Variants in CDH12 observed in about 807,000 individuals in gnomAD.
CDH12 encodes cadherin 12.
A neutral mutation model predicts 74.1 loss-of-function variants in CDH12; 41 were observed. The observed-to-expected ratio is 0.55, with a 90% CI of 0.43 to 0.72. The LOEUF (loss-of-function observed/expected upper bound fraction) is 0.72. Ranked by LOEUF, CDH12 falls within the 30% of genes least tolerant of loss-of-function variation. The pLI is 0.00. For synonymous variants in CDH12, 399 were observed against 355.0 expected, an observed-to-expected ratio of 1.12 and a Z score of -1.39; for missense variants, 945 against 977.2, an observed-to-expected ratio of 0.97 and a Z score of 0.44.
At chr5:22,523,447 T>A (rs1439382958) in intron 1 of CDH12, among the ~76,000 whole-genome samples, 1 of 152,186 alleles carries the variant, frequency 6.6e-6, no homozygotes, top group East Asian at 1.9e-4. Flanking sequence ...GAGAATGCAT[T>A]TTTTTACAAC....
intron 1 of CDH12, among the ~76,000 whole-genome samples, chr5:22,779,519 T>G (rs1747278810): frequency 6.6e-6 from 1 of 152,204 alleles, no homozygotes; most frequent in Non-Finnish European, 1.5e-5. Context: ...TGATATAGTT[T>G]GGCTCTGTGT....
chr5:22,843,687 C>CT (rs1737177658), intron 1 of CDH12, among the ~76,000 whole-genome samples: 1 of 151,288 alleles, frequency 6.6e-6, no homozygotes, highest in Non-Finnish European at 1.5e-5. Context: ...TGTGAAGGCA[C>CT]TGCAAAAATG....
intron 1 of CDH12, among the ~76,000 whole-genome samples, chr5:22,590,656 A>G (rs1740653226): frequency 6.6e-6 from 1 of 152,234 alleles, no homozygotes; most frequent in African/African-American, 2.4e-5. Context: ...ATGTGACAAG[A>G]ATGCAAATTA....
rs1398100943 is a variant in CDH12 at position 22,327,426 on chromosome 5, CTCTGTGTGTG to C, written c.-333+77821_-333+77830del. On this transcript the variant is annotated intron_variant, in intron 3 of 14. Transcript: ENST00000382254. ...ACTGACCGGGAGATAAAATTTGTGC[CTCTGTGTGTG>C]TGTGTGTGTGTGTGTGTGTGTGTGT... 7.8e-3 allele frequency among the ~76,000 whole-genome samples: 995 copies of C among 128,276 alleles called. 7 individuals carry two copies. The highest frequency in any genetic ancestry group is 0.021 in the East Asian group (86 of 4,008). The allele number at this position is 128,276 out of a possible 152,430, so 84.2% of individuals were successfully genotyped here. A position where few individuals can be genotyped will look rare whatever the true frequency, so the allele number is the denominator to read the frequency against.
chr5:22,628,127 GA>G (rs1439410183), intron 1 of CDH12, among the ~76,000 whole-genome samples: 1 of 151,926 alleles, frequency 6.6e-6, no homozygotes, highest in Non-Finnish European at 1.5e-5. Context: ...AATCTATGAA[GA>G]AACTTAGGTA....
intron 5 of CDH12, among the ~76,000 whole-genome samples, chr5:22,074,119 G>T (rs1353761152): frequency 6.6e-6 from 1 of 151,854 alleles, no homozygotes; most frequent in African/African-American, 2.4e-5. Context: ...ATGTGAAGAC[G>T]ATGAGGATAA....
At chr5:22,522,806 T>C (rs544276265) in intron 1 of CDH12, among the ~76,000 whole-genome samples, 3 of 152,218 alleles carry the variant, frequency 2.0e-5, no homozygotes, top group Non-Finnish European at 4.4e-5. Flanking sequence ...TTGTGTTCTG[T>C]CATTCTGCTA....
chr5:22,486,477 G>C (rs1236600870), intron 2 of CDH12, among the ~76,000 whole-genome samples: 1 of 140,548 alleles, frequency 7.1e-6, no homozygotes, highest in Admixed American at 7.6e-5. Context: ...TTGAGACAGA[G>C]TTTCCCTCTT....
At chr5:22,126,011 C>A (rs1403940879) in intron 4 of CDH12, among the ~76,000 whole-genome samples, 1 of 137,906 alleles carries the variant, frequency 7.3e-6, no homozygotes, top group Non-Finnish European at 1.6e-5. Flanking sequence ...GGGGGGGGGA[C>A]AAATTCTACA....
At chr5:22,133,355 A>G (rs1327488035) in intron 4 of CDH12, among the ~76,000 whole-genome samples, 4 of 152,136 alleles carry the variant, frequency 2.6e-5, no homozygotes, top group Non-Finnish European at 5.9e-5. Flanking sequence ...GAATTCTCAT[A>G]TCCATCCATC....
intron 2 of CDH12, among the ~76,000 whole-genome samples, chr5:22,437,925 A>G (rs1744471566): frequency 6.6e-6 from 1 of 152,122 alleles, no homozygotes; most frequent in Non-Finnish European, 1.5e-5. Flanking sequence ...ACATTTAAAC[A>G]TAAAATCATC....
At chr5:22,025,530 T>C (rs1361266154) in intron 5 of CDH12, among the ~76,000 whole-genome samples, 1 of 152,168 alleles carries the variant, frequency 6.6e-6, no homozygotes, top group African/African-American at 2.4e-5. Context: ...TGACTTGATG[T>C]TGATGGTTGT....
At chr5:22,541,910 C>A (rs1375871259) in intron 1 of CDH12, among the ~76,000 whole-genome samples, 1 of 152,148 alleles carries the variant, frequency 6.6e-6, no homozygotes, top group Non-Finnish European at 1.5e-5. Flanking sequence ...ACACTCTATA[C>A]CTCACTGAAA....
chr5:22,734,997 C>T (rs1744612580), intron 1 of CDH12, among the ~76,000 whole-genome samples: 1 of 151,886 alleles, frequency 6.6e-6, no homozygotes, highest in Non-Finnish European at 1.5e-5. Flanking sequence ...CATCTATGCT[C>T]AGTTTAAGGA....
At chr5:22,347,100 T>C (rs1322012374) in intron 3 of CDH12, among the ~76,000 whole-genome samples, 1 of 152,222 alleles carries the variant, frequency 6.6e-6, no homozygotes, top group African/African-American at 2.4e-5. Context: ...GTTTAACCAC[T>C]GCATCAGTAT....
chr5:22,821,280 A>C (rs1428308649), intron 1 of CDH12, among the ~76,000 whole-genome samples: 1 of 152,216 alleles, frequency 6.6e-6, no homozygotes, highest in Non-Finnish European at 1.5e-5. Flanking sequence ...CCAATATCAT[A>C]CTGAATAGGC....
chr5:22,829,954 C>G (rs1336693764), intron 1 of CDH12, among the ~76,000 whole-genome samples: 1 of 152,046 alleles, frequency 6.6e-6, no homozygotes, highest in African/African-American at 2.4e-5. Flanking sequence ...TAGTGGTTTT[C>G]CTTTTGTATT....
chr5:21,907,855 C>T (rs991415798), intron 6 of CDH12, among the ~76,000 whole-genome samples: 2 of 152,216 alleles, frequency 1.3e-5, no homozygotes, highest in African/African-American at 2.4e-5. Context: ...ATGTCACCTC[C>T]TCACTGTACC....
chr5:22,157,646 C>A (rs1267640338), intron 4 of CDH12, among the ~76,000 whole-genome samples: 1 of 151,892 alleles, frequency 6.6e-6, no homozygotes, highest in Non-Finnish European at 1.5e-5. Context: ...ATCTGAATGT[C>A]AAATAAATGT....
Sources: gnomAD v4.1 joint callset for allele counts (sites outside exome capture counted in the v4.1 genomes callset) on GRCh38, gnomAD v4.1.1 for gene constraint, MANE v1.5 for transcripts, NCBI Gene and HGNC (gene_info 2026-07-23, HGNC 2026-07-21) for gene names.